SLC15A3: variants seen among roughly 807,000 people sequenced by gnomAD.
The protein encoded by SLC15A3 is solute carrier family 15 member 3, also known as osteoclast transporter.
Under a neutral mutation model 49.2 loss-of-function variants are expected in SLC15A3, and 39 were observed. The ratio of observed to expected loss-of-function variants is 0.79; its 90% CI spans 0.61 to 1.04. The LOEUF is 1.04. Ranked by LOEUF, SLC15A3 falls within the 50% of genes least tolerant of loss-of-function variation. SLC15A3 has a pLI of 0.00. For synonymous variants in SLC15A3, 339 were observed against 367.0 expected (o/e 0.92, Z 0.87); for missense variants, 758 against 794.8 (o/e 0.95, Z 0.56).
chr11:60,942,426 G>A (rs946750481), intron 3 of SLC15A3: 2 of 352,992 alleles, frequency 5.7e-6, no homozygotes, highest in Middle Eastern at 8.5e-4. Context: ...CCAGGGCCCA[G>A]CACAGGGTAA....
chr11:60,946,721 A>G lies in SLC15A3; in HGVS notation c.659T>C (p.Ile220Thr), dbSNP rs778400478. ...AVLSLLVVAF[I>T]QQNISFLLGY... is the part of the protein sequence containing the mutation. ...CAGCAGGAAGCTGATGTTCTGCTGA[A>G]TAAACGCCACCACCAGCAGCGACAG... Residue 220 changes from isoleucine (I) to threonine (T), a missense_variant, in exon 2 of 8, where the codon ATT (isoleucine) becomes ACT (threonine). This residue lies in a region of SLC15A3 where 699 missense variants were observed against 706.7 expected (regional missense o/e 0.99). Transcript: ENST00000227880. The G allele has an allele frequency of 6.2e-7, 1 of 1,614,232 alleles. No homozygotes were observed. Among genetic ancestry groups the G allele is most frequent in the Admixed American group, 1.7e-5 (1 of 60,030 alleles).
chr11:60,950,573 A>G (rs1335583020), intron 1 of SLC15A3, among the ~76,000 whole-genome samples: 1 of 151,872 alleles, frequency 6.6e-6, no homozygotes, highest in African/African-American at 2.4e-5. Flanking sequence ...GGATCACCTG[A>G]GGTCAGGAGT....
rs1856912700 is a variant in SLC15A3, at chr11:60,951,172, C to T, written c.380G>A (p.Arg127His). ...LLPATAFPDG[R>H]SSFCGEMPAS... Reference sequence around the variant, plus strand: ...GGGCATCTCTCCGCAGAAGGAGCTGCGGCCGTCGGGGAAGGCGGTGGCGGG... The same window carrying T: ...GGGCATCTCTCCGCAGAAGGAGCTGTGGCCGTCGGGGAAGGCGGTGGCGGG... The change falls in exon 1 of 8, where the codon CGC (arginine) becomes CAC (histidine). Residue 127 changes from arginine to histidine, a missense_variant. Arg to His is a conservative substitution (Grantham distance 29). This residue lies in a region of SLC15A3 where 699 missense variants were observed against 706.7 expected (regional missense o/e 0.99). Transcript: ENST00000227880. 2 of 1,494,072 alleles carry T rather than the reference C, an allele frequency of 1.3e-6. No homozygotes were observed. The highest frequency in any genetic ancestry group is 2.8e-5 in the East Asian group (1 of 36,170). The allele number at this position is 1,494,072 out of a possible 1,614,324, so 92.6% of individuals were successfully genotyped here. A position where few individuals can be genotyped will look rare whatever the true frequency, so the allele number is the denominator to read the frequency against.
In SLC15A3 at chr11:60,946,861, T is replaced by A. The variant is rs1279546144; in HGVS notation, c.559-40A>T. On this transcript the variant is annotated intron_variant, in intron 1 of 7. Coordinates refer to ENST00000227880, the MANE Select transcript of SLC15A3 (RefSeq NM_016582.3). ...GGGGTGACAGTGAGGGCCAAAGGGGTCCGGGGCACTCTCTGTACCCATACC... is the reference window on the plus strand; with the variant it reads ...GGGGTGACAGTGAGGGCCAAAGGGGACCGGGGCACTCTCTGTACCCATACC... The A allele has an allele frequency of 1.9e-6, 3 of 1,574,686 alleles. No individual in the cohort carries two copies. The Admixed American group carries it at 5.1e-5, about 27-fold the overall frequency.
chr11:60,937,599 A>G (rs574412953), intron 7 of SLC15A3: 2 of 715,642 alleles, frequency 2.8e-6, no homozygotes, highest in Middle Eastern at 2.4e-4. Context: ...TATAAACACC[A>G]TGAGAAAGGT....
chr11:60,951,014 T>A lies in SLC15A3; in HGVS notation c.538A>T (p.Thr180Ser). ...LAASSVRSNL[T>S]SFGADQVMDL... Reference sequence around the variant, plus strand: ...CTCACCTGGTCGGCACCGAAGGAGGTGAGGTTGCTCCGGACGGAGCTGGCG... The same window carrying A: ...CTCACCTGGTCGGCACCGAAGGAGGAGAGGTTGCTCCGGACGGAGCTGGCG... Residue 180 changes from threonine to serine, a missense_variant, in exon 1 of 8, where the codon ACC (threonine) becomes TCC (serine). Physicochemically the swap from Thr to Ser is moderately conservative, Grantham distance 58. Around this residue, in one of 3 missense-constraint regions of SLC15A3, gnomAD observed 699 missense variants for 706.7 expected, o/e 0.99. Transcript: ENST00000227880. 6.7e-7 allele frequency: 1 copy of A among 1,485,462 alleles called. No individual in the cohort carries two copies. 92.0% of individuals were successfully genotyped at this position (1,485,462 alleles called of 1,614,324 possible). A position where few individuals can be genotyped will look rare whatever the true frequency, so the allele number is the denominator to read the frequency against.
chr11:60,939,685 G>A (rs369953211), intron 5 of SLC15A3, 47 bp from the exon 6 acceptor site: 1 of 1,601,330 alleles, frequency 6.2e-7, no homozygotes, highest in East Asian at 2.2e-5. Context: ...ACCCCAGGCA[G>A]CTTAGCCCAC....
Position 60,951,081 on chromosome 11 carries a change from G to C in SLC15A3, c.471C>G (p.Cys157Trp), listed in dbSNP as rs1170331421. 1.3e-6 allele frequency: 2 copies of C among 1,482,278 alleles called. No homozygotes were observed. Among genetic ancestry groups the C allele is most frequent in the Non-Finnish European group, 1.8e-6 (2 of 1,126,090 alleles). 91.8% of individuals were successfully genotyped at this position (1,482,278 alleles called of 1,614,324 possible). The change falls in exon 1 of 8, where the codon TGC (cysteine) becomes TGG (tryptophan). Residue 157 changes from cysteine to tryptophan, a missense_variant. By Grantham distance (215) the Cys-to-Trp change is radical. Transcript: ENST00000227880. ...GCAGGCCCGCGTAGAGGACGGGCGC[G>C]CAGTAGGGGCTGGGCGAGGAGCGCG... ...GCPRSSPSPY[C>W]APVLYAGLLL...
chr11:60,943,456 G>A, intron 3 of SLC15A3: 1 of 364,836 alleles, frequency 2.7e-6, no homozygotes, highest in Non-Finnish European at 4.9e-6. Context: ...CCCGCAGGAG[G>A]TATAGCAGGA....
chr11:60,939,608 A>G lies in SLC15A3; in HGVS notation c.1307T>C (p.Ile436Thr), dbSNP rs1856681360. 6.2e-7 allele frequency: 1 copy of G among 1,614,032 alleles called. No individual in the cohort carries two copies. Among genetic ancestry groups the G allele is most frequent in the African/African-American group, 1.3e-5 (1 of 75,032 alleles). ...CTGGGACACGGTCTCGTTGTGGTGG[A>G]TGTAGTGTAAGCGCTCCATCTCCAG... ...GVLEMERLHY[I>T]HHNETVSQQI... Residue 436 changes from isoleucine to threonine, a missense_variant, in exon 6 of 8, where the codon ATC becomes ACC. Around this residue, in one of 3 missense-constraint regions of SLC15A3, gnomAD observed 699 missense variants for 706.7 expected, o/e 0.99. Coordinates refer to ENST00000227880, the MANE Select transcript of SLC15A3 (RefSeq NM_016582.3).
At chr11:60,938,947 G>A (rs935984725) in intron 6 of SLC15A3, among the ~76,000 whole-genome samples, 2 of 152,112 alleles carry the variant, frequency 1.3e-5, no homozygotes, top group African/African-American at 4.8e-5. Context: ...TTGCTTTTTT[G>A]CTGACTGAAG....
In SLC15A3 at chr11:60,951,414, G is replaced by A. The variant is rs756251570; in HGVS notation, c.138C>T (p.Arg46=). The part of the protein sequence containing the change: ...AAVLLVEMLE[R]AAFFGVTANL... ...TGGCGGTGACGCCGAAGAAGGCGGC[G>A]CGCTCCAGCATCTCCACCAGCAGCA... Residue 46 remains arginine, a synonymous_variant, in exon 1 of 8, where the codon CGC becomes CGT. Coordinates refer to ENST00000227880, the MANE Select transcript of SLC15A3 (RefSeq NM_016582.3). 21 of 1,528,740 alleles carry A rather than the reference G, an allele frequency of 1.4e-5. No individual in the cohort carries two copies. In the African/African-American group the frequency reaches 2.7e-4, roughly 20 times the overall value. 94.7% of individuals were successfully genotyped at this position (1,528,740 alleles called of 1,614,324 possible). A position where few individuals can be genotyped will look rare whatever the true frequency, so the allele number is the denominator to read the frequency against.
intron 2 of SLC15A3, among the ~76,000 whole-genome samples, chr11:60,946,013 A>C (rs1856795953): frequency 1.3e-5 from 2 of 149,566 alleles, no homozygotes; most frequent in Admixed American, 6.7e-5. Flanking sequence ...TTCTTTTTTT[A>C]TTTTTTTCCT....
At chr11:60,937,826 C>T (rs375502723) in intron 7 of SLC15A3, 44 bp downstream of exon 7, 2 of 1,592,660 alleles carry the variant, frequency 1.3e-6, no homozygotes, top group Non-Finnish European at 8.6e-7. Flanking sequence ...CTTTCCAAGC[C>T]TCCCTCCATC....
chr11:60,944,773 AG>A (rs1459055764), intron 2 of SLC15A3, among the ~76,000 whole-genome samples: 1 of 152,068 alleles, frequency 6.6e-6, no homozygotes, highest in Non-Finnish European at 1.5e-5. Flanking sequence ...AGGCATAGAG[AG>A]TGGAGAGGTG....
At chr11:60,946,272 G>A (rs1856798921) in intron 2 of SLC15A3, among the ~76,000 whole-genome samples, 2 of 152,134 alleles carry the variant, frequency 1.3e-5, no homozygotes, top group African/African-American at 4.8e-5. Flanking sequence ...GGAATTAGAG[G>A]GATAGCCACC....
chr11:60,941,080 A>G (rs771625698), intron 5 of SLC15A3, 42 bp downstream of exon 5: 28 of 1,570,332 alleles, frequency 1.8e-5, no homozygotes, highest in Non-Finnish European at 2.3e-5. Flanking sequence ...AGACTTCCCC[A>G]AGCCCAAAGT....
At chr11:60,942,897 A>G (rs914727997) in intron 3 of SLC15A3, 18 of 152,300 alleles carry the variant, frequency 1.2e-4, no homozygotes, top group African/African-American at 3.9e-4. Flanking sequence ...CAATGACCTT[A>G]TGGCCTGGGG....
chr11:60,938,298 T>C (rs1327539378), intron 6 of SLC15A3, among the ~76,000 whole-genome samples: 1 of 152,116 alleles, frequency 6.6e-6, no homozygotes, highest in Non-Finnish European at 1.5e-5. Context: ...TCCTGCCAGG[T>C]CTATCATTTC....
Sources: gnomAD v4.1 joint callset for allele counts (sites outside exome capture counted in the v4.1 genomes callset) on GRCh38, gnomAD v4.1.1 for gene constraint, gnomAD v4.1.1 regional missense constraint, MANE v1.5 for transcripts, NCBI Gene and HGNC (gene_info 2026-07-23, HGNC 2026-07-21) for gene names.